Variants in NFATC2 observed in about 807,000 individuals in gnomAD.
NFATC2 encodes nuclear factor of activated T cells 2.
Under a neutral mutation model 87.3 loss-of-function variants are expected in NFATC2, and 22 were observed. The ratio of observed to expected loss-of-function variants is 0.25; its 90% CI spans 0.18 to 0.36. The LOEUF (loss-of-function observed/expected upper bound fraction) is 0.36, where lower values mean the gene tolerates loss of function less well. NFATC2 is among the 10% of genes least tolerant of loss of function. NFATC2 has a pLI of 1.00. For synonymous variants in NFATC2, 565 were observed against 542.2 expected (o/e 1.04, Z -0.58); for missense variants, 1,149 against 1,259.1 (o/e 0.91, Z 1.32).
At chr20:51,531,689 C>T (rs944964157) in intron 1 of NFATC2, among the ~76,000 whole-genome samples, 6 of 152,156 alleles carry the variant, frequency 3.9e-5, no homozygotes, top group Admixed American at 6.5e-5. Flanking sequence ...ACAAGCCTGT[C>T]GGTTTCCCTA....
chr20:51,485,604 T>A (rs1989637108), intron 3 of NFATC2, among the ~76,000 whole-genome samples: 1 of 152,088 alleles, frequency 6.6e-6, no homozygotes. Context: ...GCAGAACCAG[T>A]GTAACACTGA....
At chr20:51,561,244 G>A (rs1392097408) in intron 1 of NFATC2, among the ~76,000 whole-genome samples, 2 of 150,428 alleles carry the variant, frequency 1.3e-5, no homozygotes, top group Non-Finnish European at 1.5e-5. Flanking sequence ...GCGCAGCTCA[G>A]CTAAAACTAT....
chr20:51,477,070 C>A (rs1988779597), intron 3 of NFATC2, among the ~76,000 whole-genome samples: 1 of 152,092 alleles, frequency 6.6e-6, no homozygotes, highest in Non-Finnish European at 1.5e-5. Context: ...ACTGTATATG[C>A]AGGAGACACG....
intron 5 of NFATC2, among the ~76,000 whole-genome samples, chr20:51,466,586 C>A (rs928075246): frequency 5.9e-5 from 9 of 152,066 alleles, no homozygotes; most frequent in African/African-American, 2.2e-4. Context: ...TACACAAAAA[C>A]CAACCTGCAC....
intron 1 of NFATC2, among the ~76,000 whole-genome samples, chr20:51,536,153 T>A (rs990981596): frequency 6.6e-6 from 1 of 152,196 alleles, no homozygotes; most frequent in African/African-American, 2.4e-5. Context: ...ATGAGTATAA[T>A]CCCATTAGGA....
At chr20:51,425,290 T>C (rs1296937479) in intron 9 of NFATC2, among the ~76,000 whole-genome samples, 1 of 152,216 alleles carries the variant, frequency 6.6e-6, no homozygotes, top group Non-Finnish European at 1.5e-5. Context: ...GCAAAAGCCC[T>C]CCCAACGGGG....
chr20:51,469,396 A>G (rs899571766), intron 5 of NFATC2, among the ~76,000 whole-genome samples: 2 of 152,186 alleles, frequency 1.3e-5, no homozygotes, highest in Non-Finnish European at 1.5e-5. Flanking sequence ...CAGAGGTGAC[A>G]GTGTGCAAAA....
Position 51,391,416 on chromosome 20 carries a change from G to A in NFATC2, c.*80C>T. ...TTCTTTTACGTCTGATTTCTGGCAG[G>A]AGGTCCTGAAAACTCCTTCCTGATA... On this transcript the variant is annotated 3_prime_UTR_variant, in exon 11 of 11. Coordinates refer to ENST00000371564, the MANE Select transcript of NFATC2 (RefSeq NM_012340.5). The A allele has an allele frequency of 3.3e-6, 5 of 1,507,388 alleles. No homozygotes were observed. The highest frequency in any genetic ancestry group is 2.9e-5 in the African/African-American group (2 of 69,346). The allele number at this position is 1,507,388 out of a possible 1,614,324, so 93.4% of individuals were successfully genotyped here. A position where few individuals can be genotyped will look rare whatever the true frequency, so the allele number is the denominator to read the frequency against.
intron 9 of NFATC2, among the ~76,000 whole-genome samples, chr20:51,406,052 C>T (rs893314562): frequency 1.3e-5 from 2 of 152,210 alleles, no homozygotes; most frequent in Non-Finnish European, 2.9e-5. Flanking sequence ...GCTGGGATGA[C>T]AGGTGTGAGC....
chr20:51,398,595 G>GAAACACACAGCTGGAAAA, intron 10 of NFATC2, 48 bp downstream of exon 10: 1 of 1,389,600 alleles, frequency 7.2e-7, no homozygotes, highest in South Asian at 1.3e-5. Flanking sequence ...TCAAGTTAAG[G>GAAACACACAGCTGGAAAA]AAACACACAG....
rs191498086 is a variant in NFATC2 at position 51,489,131 on chromosome 20, A to G, written c.1333-13471T>C. On this transcript the variant is annotated intron_variant, in intron 3 of 10. Coordinates refer to ENST00000371564, the MANE Select transcript of NFATC2 (RefSeq NM_012340.5). ...CTTGAACCCAGGAGGCAGAGGTTGC[A>G]GTGAGCCAAGATCGTGCCACTGCAC... 4.0e-3 allele frequency among the ~76,000 whole-genome samples: 602 copies of G among 152,178 alleles called. 4 individuals carry two copies. The highest frequency in any genetic ancestry group is 0.014 in the African/African-American group (579 of 41,548).
intron 1 of NFATC2, among the ~76,000 whole-genome samples, chr20:51,528,537 C>T (rs984656156): frequency 3.3e-5 from 5 of 152,138 alleles, no homozygotes; most frequent in African/African-American, 7.2e-5. Flanking sequence ...CAGATGTACA[C>T]GCACAGCTGA....
At chr20:51,488,405 G>T (rs2075821249) in intron 3 of NFATC2, among the ~76,000 whole-genome samples, 1 of 152,146 alleles carries the variant, frequency 6.6e-6, no homozygotes, top group Admixed American at 6.5e-5. Flanking sequence ...AGTCTTTCTT[G>T]TCGGGGGCTG....
At chr20:51,468,409 C>A (rs937077424) in intron 5 of NFATC2, among the ~76,000 whole-genome samples, 26 of 152,190 alleles carry the variant, frequency 1.7e-4, no homozygotes, top group Admixed American at 7.2e-4. Context: ...ATACCCACTC[C>A]CAAGCCCTGC....
intron 9 of NFATC2, among the ~76,000 whole-genome samples, chr20:51,424,464 T>C (rs1981459734): frequency 6.6e-6 from 1 of 152,194 alleles, no homozygotes; most frequent in Non-Finnish European, 1.5e-5. Context: ...GCGCGTCTGG[T>C]ACTGGGCAAA....
At chr20:51,457,955 G>A (rs1484488873) in intron 5 of NFATC2, among the ~76,000 whole-genome samples, 3 of 150,388 alleles carry the variant, frequency 2.0e-5, no homozygotes, top group Non-Finnish European at 4.4e-5. Context: ...GTGGCATCAC[G>A]GCTCACTGCA....
At chr20:51,399,187 C>T (rs1359349042) in intron 9 of NFATC2, 1 of 154,542 alleles carries the variant, frequency 6.5e-6, no homozygotes, top group Non-Finnish European at 1.4e-5. Flanking sequence ...AGTGATATCA[C>T]CTCAGTGGTC....
chr20:51,435,051 C>T, intron 8 of NFATC2, 137 bp downstream of exon 8: 1 of 1,076,324 alleles, frequency 9.3e-7, no homozygotes. Context: ...TGCTGTCTCA[C>T]AGATGATGCA....
chr20:51,439,508 G>A (rs1181195079), intron 6 of NFATC2, among the ~76,000 whole-genome samples: 1 of 152,216 alleles, frequency 6.6e-6, no homozygotes, highest in East Asian at 1.9e-4. Flanking sequence ...ACAGCAACCA[G>A]CCCTTCCTCG....
Sources: allele counts gnomAD v4.1 joint callset (sites outside exome capture counted in the v4.1 genomes callset), GRCh38; gene constraint gnomAD v4.1.1; transcripts MANE v1.5; gene names NCBI Gene and HGNC (gene_info 2026-07-23, HGNC 2026-07-21).